TRPM3: variants seen among roughly 807,000 people sequenced by gnomAD.
TRPM3 encodes long transient receptor potential channel 3.
In TRPM3, 77 loss-of-function variants were observed where a neutral mutation model predicts 181.2. The observed-to-expected ratio is 0.42, with a 90% CI of 0.35 to 0.51. TRPM3 has a LOEUF of 0.51. Among genes scored for constraint, TRPM3 ranks in the 20% least tolerant of loss-of-function variants. The pLI is 0.01. For missense variants in TRPM3, 1,759 were observed against 2,196.7 expected (o/e 0.80, Z 3.98); for synonymous variants, 745 against 796.4 (o/e 0.94, Z 1.09).
intron 19 of TRPM3, among the ~76,000 whole-genome samples, chr9:70,607,375 T>C (rs2061347729): frequency 6.6e-6 from 1 of 152,186 alleles, no homozygotes; most frequent in African/African-American, 2.4e-5. Context: ...CATACCTTAT[T>C]TCCAGTCACT....
intron 22 of TRPM3, among the ~76,000 whole-genome samples, chr9:70,572,499 T>C (rs932538463): frequency 5.9e-5 from 9 of 152,218 alleles, no homozygotes; most frequent in Admixed American, 2.0e-4. Flanking sequence ...TGTTTTATTA[T>C]CATTCTTCTT....
chr9:71,246,271 A>C (rs1216906966), intron 1 of TRPM3, among the ~76,000 whole-genome samples: 2 of 152,188 alleles, frequency 1.3e-5, no homozygotes, highest in African/African-American at 2.4e-5. Context: ...ATTTTTTTCA[A>C]ATCATTTGTA....
chr9:71,076,468 G>C (rs554203844), intron 1 of TRPM3, among the ~76,000 whole-genome samples: 9 of 152,320 alleles, frequency 5.9e-5, no homozygotes, highest in Non-Finnish European at 1.3e-4. Context: ...CTGGGAAAGG[G>C]AGGGCTGCCA....
intron 1 of TRPM3, among the ~76,000 whole-genome samples, chr9:71,192,859 T>A (rs551189189): frequency 6.6e-6 from 1 of 151,936 alleles, no homozygotes; most frequent in Admixed American, 6.6e-5. Context: ...TTTCCCCCTA[T>A]GTTTTCTTCT....
chr9:71,242,225 A>G (rs888676805), intron 1 of TRPM3, among the ~76,000 whole-genome samples: 43 of 152,306 alleles, frequency 2.8e-4, no homozygotes, highest in African/African-American at 9.9e-4. Context: ...AATTAAATCA[A>G]AGTACCTCCA....
At chr9:70,669,859 C>T (rs930709313) in intron 9 of TRPM3, among the ~76,000 whole-genome samples, 1 of 151,504 alleles carries the variant, frequency 6.6e-6, no homozygotes, top group African/African-American at 2.4e-5. Flanking sequence ...ATGTCAGCCT[C>T]CTGAGTAGCT....
At chr9:70,804,014 C>T (rs1342316840) in intron 6 of TRPM3, among the ~76,000 whole-genome samples, 1 of 152,088 alleles carries the variant, frequency 6.6e-6, no homozygotes, top group African/African-American at 2.4e-5. Flanking sequence ...CTGCCTTCCT[C>T]TTTGCCTTGT....
At chr9:70,570,681 C>A (rs1278606055) in intron 22 of TRPM3, among the ~76,000 whole-genome samples, 1 of 152,104 alleles carries the variant, frequency 6.6e-6, no homozygotes, top group African/African-American at 2.4e-5. Context: ...TCTGAAAGGA[C>A]CTTGGTGTGT....
intron 1 of TRPM3, among the ~76,000 whole-genome samples, chr9:71,144,392 T>G (rs1173627030): frequency 6.6e-6 from 1 of 152,208 alleles, no homozygotes; most frequent in African/African-American, 2.4e-5. Flanking sequence ...GTTCCACCAC[T>G]CATCCCTTTC....
At chr9:70,954,021 T>C (rs2097035454) in intron 1 of TRPM3, among the ~76,000 whole-genome samples, 1 of 152,048 alleles carries the variant, frequency 6.6e-6, no homozygotes, top group African/African-American at 2.4e-5. Flanking sequence ...AGAAATTACA[T>C]CCACCTCCAA....
At chr9:70,846,011 C>T (rs2094937242) in intron 4 of TRPM3, among the ~76,000 whole-genome samples, 1 of 152,152 alleles carries the variant, frequency 6.6e-6, no homozygotes, top group African/African-American at 2.4e-5. Flanking sequence ...TGGTACCAAA[C>T]TTGAAATTGT....
chr9:70,835,929 A>G (rs1297179958), intron 5 of TRPM3, among the ~76,000 whole-genome samples: 2 of 152,170 alleles, frequency 1.3e-5, no homozygotes, highest in African/African-American at 4.8e-5. Context: ...CATTGGGAAG[A>G]TGATAGTAAT....
At chr9:71,443,326 C>T (rs1417390858) in intron 1 of TRPM3, among the ~76,000 whole-genome samples, 1 of 148,168 alleles carries the variant, frequency 6.7e-6, no homozygotes, top group Non-Finnish European at 1.5e-5. Flanking sequence ...TCCTGAATTA[C>T]AAAAATGGAA....
chr9:71,170,365 T>G (rs890332616), intron 1 of TRPM3, among the ~76,000 whole-genome samples: 7 of 152,196 alleles, frequency 4.6e-5, no homozygotes, highest in African/African-American at 1.4e-4. Flanking sequence ...CTGCTAATCC[T>G]GTGAGTCAGG....
chr9:71,136,948 G>A (rs2074802178), intron 1 of TRPM3, among the ~76,000 whole-genome samples: 1 of 152,126 alleles, frequency 6.6e-6, no homozygotes, highest in African/African-American at 2.4e-5. Context: ...AGTGAGGGTG[G>A]GGGAGTCATT....
chr9:70,550,847 C>T (rs2046296336), intron 24 of TRPM3, among the ~76,000 whole-genome samples: 1 of 152,164 alleles, frequency 6.6e-6, no homozygotes, highest in Non-Finnish European at 1.5e-5. Flanking sequence ...AATTAGACTG[C>T]TCTTGTCAAA....
At chr9:70,923,947 TAC>T (rs528072954) in intron 1 of TRPM3, among the ~76,000 whole-genome samples, 22 of 149,324 alleles carry the variant, frequency 1.5e-4, no homozygotes, top group Non-Finnish European at 1.6e-4. Context: ...CATATATATA[TAC>T]ACACACACAC....
chr9:71,304,956 C>T (rs942403817), intron 1 of TRPM3, among the ~76,000 whole-genome samples: 9 of 152,154 alleles, frequency 5.9e-5, no homozygotes, highest in African/African-American at 2.2e-4. Context: ...ACTAGTTGAA[C>T]ATTTTTTAGT....
chr9:71,082,580 C>T (rs926057520), intron 1 of TRPM3, among the ~76,000 whole-genome samples: 1 of 152,112 alleles, frequency 6.6e-6, no homozygotes, highest in Non-Finnish European at 1.5e-5. Flanking sequence ...CTTAACTTCT[C>T]AGAACTTTTT....
Sources: gnomAD v4.1 joint callset for allele counts (sites outside exome capture counted in the v4.1 genomes callset) on GRCh38, gnomAD v4.1.1 for gene constraint, MANE v1.5 for transcripts, NCBI Gene and HGNC (gene_info 2026-07-23, HGNC 2026-07-21) for gene names.